SEC24B: variants seen among roughly 807,000 people sequenced by gnomAD.
SEC24B encodes the protein protein transport protein Sec24B.
SEC24B carries 45 observed loss-of-function variants against 142.8 expected under a neutral mutation model. That is an observed-to-expected ratio of 0.32 (90% CI 0.25 to 0.40). The LOEUF is 0.40. Ranked by LOEUF, SEC24B falls within the 10% of genes least tolerant of loss-of-function variation. The probability of loss-of-function intolerance (pLI) is 1.00; values close to 1 mark genes in which losing one functional copy is unlikely to be tolerated. For synonymous variants in SEC24B, 574 were observed against 568.2 expected (o/e 1.01, Z -0.15); for missense variants, 1,409 against 1,526.8 (o/e 0.92, Z 1.29).
intron 6 of SEC24B, among the ~76,000 whole-genome samples, chr4:109,505,138 TG>T (rs1248774395): frequency 6.6e-6 from 1 of 152,094 alleles, no homozygotes; most frequent in African/African-American, 2.4e-5. Context: ...CTTATTGTAA[TG>T]TTTTTTGACA....
chr4:109,492,152 T>TA lies in SEC24B; in HGVS notation c.1246+759dup, dbSNP rs373315850. Among the ~76,000 whole-genome samples, 1,107 of 142,108 alleles carry TA rather than the reference T, an allele frequency of 7.8e-3. 8 individuals carry two copies. Among genetic ancestry groups the TA allele is most frequent in the African/African-American group, 0.018 (722 of 39,324 alleles). The allele number at this position is 142,108 out of a possible 152,430, so 93.2% of individuals were successfully genotyped here. ...AATTGAAGTTGGAATGTTCTATACT[T>TA]AAAAAAAAAAAAAACCCATGCTATC... is the stretch of plus-strand genomic sequence containing the variant. On this transcript the variant is annotated intron_variant, in intron 5 of 23. Coordinates refer to ENST00000265175, the MANE Select transcript of SEC24B (RefSeq NM_006323.5).
chr4:109,446,622 T>C (rs1179864120), intron 1 of SEC24B, among the ~76,000 whole-genome samples: 1 of 152,244 alleles, frequency 6.6e-6, no homozygotes, highest in Admixed American at 6.5e-5. Flanking sequence ...CGATAGATTT[T>C]CATTTCTTTT....
chr4:109,508,827 AAAAT>A (rs1737001699), intron 7 of SEC24B, among the ~76,000 whole-genome samples: 1 of 152,332 alleles, frequency 6.6e-6, no homozygotes, highest in African/African-American at 2.4e-5. Flanking sequence ...TCAGCATACT[AAAAT>A]AAATCATTCA....
At chr4:109,456,174 T>G (rs917546687) in intron 1 of SEC24B, among the ~76,000 whole-genome samples, 1 of 152,084 alleles carries the variant, frequency 6.6e-6, no homozygotes, top group African/African-American at 2.4e-5. Flanking sequence ...ATTCCCCTTG[T>G]TTACTACTGA....
chr4:109,533,075 A>C (rs1054745786), intron 21 of SEC24B, among the ~76,000 whole-genome samples: 4 of 152,236 alleles, frequency 2.6e-5, no homozygotes, highest in African/African-American at 9.6e-5. Context: ...TCTAGAGTCT[A>C]GAATTTAAAA....
intron 1 of SEC24B, among the ~76,000 whole-genome samples, chr4:109,457,770 A>G (rs1247523266): frequency 6.6e-6 from 1 of 152,124 alleles, no homozygotes; most frequent in Non-Finnish European, 1.5e-5. Context: ...CCAACTTCAC[A>G]TTGCCTTCTC....
rs371890529 is a variant in SEC24B, at chr4:109,531,496, T to C, written c.3364T>C (p.Tyr1122His). 8.7e-6 allele frequency: 14 copies of C among 1,610,256 alleles called. No homozygotes were observed. Among genetic ancestry groups the C allele is most frequent in the East Asian group, 2.2e-5 (1 of 44,866 alleles). The change falls in exon 20 of 24, where the codon TAC becomes CAC. Residue 1122 changes from tyrosine (Y) to histidine (H), a missense_variant. By Grantham distance (83) the Tyr-to-His change is moderately conservative (BLOSUM62 2). Coordinates refer to ENST00000265175, the MANE Select transcript of SEC24B (RefSeq NM_006323.5). The stretch of plus-strand genomic sequence containing the variant: ...AATGAAAATGATTCATCCCAACTTA[T>C]ACAGGATAGACAGATTGACAGATGA... Reference protein sequence around the residue: ...HLMKMIHPNLYRIDRLTDEGA... With the variant: ...HLMKMIHPNLHRIDRLTDEGA...
intron 1 of SEC24B, among the ~76,000 whole-genome samples, chr4:109,439,626 C>G (rs767342420): frequency 5.4e-5 from 8 of 149,504 alleles, no homozygotes; most frequent in Non-Finnish European, 8.9e-5. Flanking sequence ...CTCAGCCTCC[C>G]GAGTAGCTGG....
intron 6 of SEC24B, among the ~76,000 whole-genome samples, chr4:109,498,655 C>T (rs761783614): frequency 2.0e-5 from 3 of 152,196 alleles, no homozygotes; most frequent in African/African-American, 7.2e-5. Flanking sequence ...TGACCCACCA[C>T]GCCTGGCTCA....
At chr4:109,456,343 T>G (rs553321389) in intron 1 of SEC24B, among the ~76,000 whole-genome samples, 10 of 149,854 alleles carry the variant, frequency 6.7e-5, no homozygotes, top group East Asian at 5.8e-4. Flanking sequence ...TGTTTTTTTT[T>G]TTTTTTTTTT....
intron 22 of SEC24B, among the ~76,000 whole-genome samples, chr4:109,534,369 A>G (rs1725269271): frequency 2.0e-5 from 3 of 152,024 alleles, no homozygotes; most frequent in Admixed American, 1.3e-4. Flanking sequence ...GGCAGATCAC[A>G]AAGTCAGGAG....
rs561820367 is a variant in SEC24B at position 109,532,520 on chromosome 4, A to T, written c.3391-119A>T. On this transcript the variant is annotated intron_variant, in intron 20 of 23. Transcript: ENST00000265175. ...GTAGCATATAATCAGTATTTTTTAT[A>T]TCATGCAAAACTCCCAAGTGTTATT... is the stretch of plus-strand genomic sequence containing the variant. The T allele has an allele frequency of 3.7e-5, 26 of 702,800 alleles. No individual in the cohort carries two copies. The African/African-American group carries it at 4.6e-4, about 12-fold the overall frequency. 43.5% of individuals were successfully genotyped at this position (702,800 alleles called of 1,614,324 possible).
intron 6 of SEC24B, among the ~76,000 whole-genome samples, chr4:109,501,937 A>G (rs1448789818): frequency 6.6e-6 from 1 of 152,246 alleles, no homozygotes; most frequent in African/African-American, 2.4e-5. Flanking sequence ...TAATAAGACA[A>G]TAAATAAGTA....
At chr4:109,441,410 T>G (rs1427136897) in intron 1 of SEC24B, among the ~76,000 whole-genome samples, 2 of 152,118 alleles carry the variant, frequency 1.3e-5, no homozygotes, top group African/African-American at 2.4e-5. Context: ...ATGTAGTAGA[T>G]TCTGAACCAA....
intron 4 of SEC24B, among the ~76,000 whole-genome samples, chr4:109,485,764 C>T (rs1734289582): frequency 6.6e-6 from 1 of 152,134 alleles, no homozygotes; most frequent in Non-Finnish European, 1.5e-5. Flanking sequence ...GTGGGAATTA[C>T]ATGTAAGTGT....
At chr4:109,517,943 G>GTTTATTTA (rs1188019909) in intron 11 of SEC24B, among the ~76,000 whole-genome samples, 4 of 139,828 alleles carry the variant, frequency 2.9e-5, no homozygotes, top group African/African-American at 1.1e-4. Context: ...TTGTTTGTTT[G>GTTTATTTA]TTTGTTTATT....
chr4:109,488,821 C>T (rs953905802), intron 4 of SEC24B: 1 of 167,064 alleles, frequency 6.0e-6, no homozygotes, highest in Admixed American at 6.6e-5. Context: ...AATGTTATCT[C>T]GTTGTTTTGA....
intron 3 of SEC24B, among the ~76,000 whole-genome samples, chr4:109,474,946 A>G (rs529430128): frequency 1.1e-4 from 16 of 152,340 alleles, no homozygotes; most frequent in African/African-American, 3.8e-4. Context: ...ATCTTATGAC[A>G]TAGATATTCT....
intron 1 of SEC24B, among the ~76,000 whole-genome samples, chr4:109,447,933 G>C (rs958268426): frequency 6.6e-6 from 1 of 152,192 alleles, no homozygotes; most frequent in Non-Finnish European, 1.5e-5. Flanking sequence ...CTAGCTTCTG[G>C]ATGCTGCCCA....
Sources: gnomAD v4.1 joint callset for allele counts (sites outside exome capture counted in the v4.1 genomes callset) on GRCh38, gnomAD v4.1.1 for gene constraint, MANE v1.5 for transcripts, NCBI Gene and HGNC (gene_info 2026-07-23, HGNC 2026-07-21) for gene names.